ZNF649: variants seen among roughly 807,000 people sequenced by gnomAD.
ZNF649 encodes zinc finger protein 649.
In ZNF649, 7 loss-of-function variants were observed where a neutral mutation model predicts 14.1. That is an observed-to-expected ratio of 0.49 (90% CI 0.28 to 0.93). The LOEUF is 0.93. ZNF649 is among the 40% of genes least tolerant of loss of function. The pLI, the probability that ZNF649 is intolerant of heterozygous loss-of-function variation, is 0.10. For missense variants in ZNF649, 544 were observed against 608.1 expected, an observed-to-expected ratio of 0.89 and a Z score of 1.11; for synonymous variants, 227 against 212.3, an observed-to-expected ratio of 1.07 and a Z score of -0.60.
At position 51,891,427 on chromosome 19, in the gene ZNF649, T is replaced by C. The variant is rs773969502; in HGVS notation, c.709A>G (p.Ser237Gly). 5.0e-6 allele frequency: 8 copies of C among 1,613,934 alleles called. No homozygotes were observed. In the South Asian group the frequency reaches 8.8e-5, roughly 18 times the overall value. Residue 237 changes from serine to glycine, a missense_variant, in exon 5 of 5, where the codon AGC (serine) becomes GGC (glycine). Coordinates refer to ENST00000354957, the MANE Select transcript of ZNF649 (RefSeq NM_023074.4). This position sits in a 1 kb window ranked among gnomAD's most constrained non-coding sequence, Gnocchi z 4.2. ...TTGTAGAAGGCTTTCCCACACAAGC[T>C]ACACCCGTGGGGTTTCTCTCCTCTG... ...AHRGEKPHGCSLCGKAFYKRY... is the reference protein window; with the variant it reads ...AHRGEKPHGCGLCGKAFYKRY...
At chr19:51,894,042 A>G (rs1568455526) in intron 4 of ZNF649, among the ~76,000 whole-genome samples, 2 of 152,152 alleles carry the variant, frequency 1.3e-5, no homozygotes, top group Non-Finnish European at 2.9e-5. Flanking sequence ...TACCATTACC[A>G]TGACGCATCC....
At chr19:51,897,024 T>G in intron 2 of ZNF649, 46 bp from the exon 3 acceptor site, 1 of 1,611,770 alleles carries the variant, frequency 6.2e-7, no homozygotes, top group Non-Finnish European at 8.5e-7. Context: ...TTTATTGACA[T>G]GGAAGAAATA....
At chr19:51,901,559 C>T (rs895158641) in intron 1 of ZNF649, among the ~76,000 whole-genome samples, 3 of 151,974 alleles carry the variant, frequency 2.0e-5, no homozygotes, top group Non-Finnish European at 4.4e-5. Context: ...GTGGGAGGAT[C>T]GCTTGAGGCC....
rs1456284321 is a variant in ZNF649 at position 51,889,428 on chromosome 19, A to G, written c.*1190T>C. 1 of 152,178 alleles carries G rather than the reference A, an allele frequency of 6.6e-6. No individual in the cohort carries two copies. The highest frequency in any genetic ancestry group is 2.4e-5 in the African/African-American group (1 of 41,450). The allele number at this position is 152,178 out of a possible 1,614,324, so 9.4% of individuals were successfully genotyped here. A position where few individuals can be genotyped will look rare whatever the true frequency, so the allele number is the denominator to read the frequency against. ...CTCTAGAACTGGACTCTAAAACACA[A>G]TCAAGGTGTTGGCAGGTCTAGTGTC... is the stretch of plus-strand genomic sequence containing the variant. On this transcript the variant is annotated 3_prime_UTR_variant, in exon 5 of 5. Transcript: ENST00000354957.
At chr19:51,895,624 G>A (rs964582623) in intron 4 of ZNF649, among the ~76,000 whole-genome samples, 4 of 152,066 alleles carry the variant, frequency 2.6e-5, no homozygotes, top group African/African-American at 7.2e-5. Flanking sequence ...TTACAGGTGT[G>A]AGCCACCATG....
At chr19:51,894,139 TTC>T (rs1491554918) in intron 4 of ZNF649, among the ~76,000 whole-genome samples, 1 of 152,018 alleles carries the variant, frequency 6.6e-6, no homozygotes, top group African/African-American at 2.4e-5. Context: ...TCTTTTTTTT[TTC>T]TTTTTTTTTG....
chr19:51,890,761 C>A lies in ZNF649; in HGVS notation c.1375G>T (p.Asp459Tyr). Reference sequence around the variant, plus strand: ...GAAGGATTTTCCACCTTCACTGAATCCCCCCGTTTCTCCCTTGAGTGTATT... The same window carrying A: ...GAAGGATTTTCCACCTTCACTGAATACCCCCGTTTCTCCCTTGAGTGTATT... Reference protein sequence around the residue: ...KRIHSREKRGDSVKVENPSTA... With the variant: ...KRIHSREKRGYSVKVENPSTA... Residue 459 changes from aspartate (D) to tyrosine (Y), a missense_variant, in exon 5 of 5, where the codon GAT (aspartate) becomes TAT (tyrosine). Asp to Tyr is a radical substitution (Grantham distance 160). Coordinates refer to ENST00000354957, the MANE Select transcript of ZNF649 (RefSeq NM_023074.4). The A allele has an allele frequency of 6.2e-7, 1 of 1,614,176 alleles. No individual in the cohort carries two copies. The highest frequency in any genetic ancestry group is 8.5e-7 in the Non-Finnish European group (1 of 1,180,034).
chr19:51,890,769 T>G lies in ZNF649; in HGVS notation c.1367A>C (p.Lys456Thr). The G allele has an allele frequency of 6.2e-7, 1 of 1,614,230 alleles. No homozygotes were observed. The highest frequency in any genetic ancestry group is 8.5e-7 in the Non-Finnish European group (1 of 1,180,040). The change falls in exon 5 of 5, where the codon AAA becomes ACA. Residue 456 changes from lysine to threonine, a missense_variant. Lys to Thr is a moderately conservative substitution (Grantham distance 78). Transcript: ENST00000354957. The stretch of plus-strand genomic sequence containing the variant: ...TTCCACCTTCACTGAATCCCCCCGT[T>G]TCTCCCTTGAGTGTATTCTCTTATG... Reference protein sequence around the residue: ...VKHKRIHSREKRGDSVKVENP... With the variant: ...VKHKRIHSRETRGDSVKVENP...
chr19:51,892,916 TTTTTG>T (rs563687810), intron 4 of ZNF649, among the ~76,000 whole-genome samples: 13 of 152,148 alleles, frequency 8.5e-5, no homozygotes, highest in South Asian at 2.1e-4. Flanking sequence ...CCACGAGTGT[TTTTTG>T]TTTTGTTTTG....
chr19:51,892,373 T>C (rs1174812716), intron 4 of ZNF649, among the ~76,000 whole-genome samples: 4 of 118,250 alleles, frequency 3.4e-5, no homozygotes, highest in Non-Finnish European at 6.8e-5. Flanking sequence ...AGACTCCATC[T>C]CAAAAAAAAA....
At chr19:51,895,209 ATAT>A (rs375569509) in intron 4 of ZNF649, among the ~76,000 whole-genome samples, 36 of 152,302 alleles carry the variant, frequency 2.4e-4, no homozygotes, top group African/African-American at 6.5e-4. Context: ...GACATGGAAG[ATAT>A]TATTATATTG....
intron 1 of ZNF649, among the ~76,000 whole-genome samples, chr19:51,902,335 A>C (rs1021381109): frequency 9.9e-5 from 15 of 152,224 alleles, no homozygotes; most frequent in African/African-American, 3.6e-4. Context: ...TTAAGGGCTC[A>C]GTTCAAGCCT....
rs1028576617 is a variant in ZNF649 at position 51,891,155 on chromosome 19, G to A, written c.981C>T (p.Phe327=). The part of the protein sequence containing the change: ...PHTCSECGKG[F]IQKGNLNIHQ... ...GTATGTTGAGATTGCCCTTCTGAAT[G>A]AAGCCTTTTCCACATTCACTGCATG... The change falls in exon 5 of 5, where the codon TTC becomes TTT. Residue 327 remains phenylalanine (F), a synonymous_variant. Coordinates refer to ENST00000354957, the MANE Select transcript of ZNF649 (RefSeq NM_023074.4). The surrounding 1 kb of genome is among the most constrained non-coding windows in gnomAD (Gnocchi z 4.2). 6.2e-7 allele frequency: 1 copy of A among 1,614,076 alleles called. No homozygotes were observed. The highest frequency in any genetic ancestry group is 8.5e-7 in the Non-Finnish European group (1 of 1,180,034).
At position 51,891,523 on chromosome 19, in the gene ZNF649, G is replaced by A; in HGVS notation, c.613C>T (p.Pro205Ser). 1 of 1,614,210 alleles carries A rather than the reference G, an allele frequency of 6.2e-7. No homozygotes were observed. Among genetic ancestry groups the A allele is most frequent in the Non-Finnish European group, 8.5e-7 (1 of 1,180,044 alleles). The change falls in exon 5 of 5, where the codon CCC becomes TCC. Residue 205 changes from proline (P) to serine (S), a missense_variant. By Grantham distance (74) the Pro-to-Ser change is moderately conservative (BLOSUM62 -1). Transcript: ENST00000354957. The surrounding 1 kb of genome is among the most constrained non-coding windows in gnomAD (Gnocchi z 4.2). ...TTCCCACACAAGCTACACACGTGGG[G>A]TTTCTTTCCTGTATGAATTCTCTTA... The part of the protein sequence containing the change: ...EHKRIHTGKK[P>S]HVCSLCGKAF...
rs779780150 is a variant in ZNF649, at chr19:51,891,632, A to T, written c.504T>A (p.His168Gln). 6.2e-7 allele frequency: 1 copy of T among 1,614,214 alleles called. No individual in the cohort carries two copies. The highest frequency in any genetic ancestry group is 8.5e-7 in the Non-Finnish European group (1 of 1,180,040). The change falls in exon 5 of 5, where the codon CAT becomes CAA. Residue 168 changes from histidine to glutamine, a missense_variant. Coordinates refer to ENST00000354957, the MANE Select transcript of ZNF649 (RefSeq NM_023074.4). This position sits in a 1 kb window ranked among gnomAD's most constrained non-coding sequence, Gnocchi z 4.2. ...CTTTCTCTATGTTGTGTGTTTGCTG[A>T]TGTTTAAGGAATTGTGACTTGGTGC... Reference protein sequence around the residue: ...PISTKSQFLKHQQTHNIEKAH... With the variant: ...PISTKSQFLKQQQTHNIEKAH...
Position 51,891,880 on chromosome 19 carries a change from C to T in ZNF649, c.256G>A (p.Asp86Asn). ...PAHPEIEKADDHLQQPLQNQK... is the reference protein window; with the variant it reads ...PAHPEIEKADNHLQQPLQNQK... The stretch of plus-strand genomic sequence containing the variant: ...TTTTGCAAGGGCTGCTGCAGATGAT[C>T]ATCAGCTTTCTCAATTTCTAAGAGA... Residue 86 changes from aspartate (D) to asparagine (N), a missense_variant, in exon 5 of 5, where the codon GAT becomes AAT. Coordinates refer to ENST00000354957, the MANE Select transcript of ZNF649 (RefSeq NM_023074.4). The surrounding 1 kb of genome is among the most constrained non-coding windows in gnomAD (Gnocchi z 4.2). The T allele has an allele frequency of 6.4e-7, 1 of 1,562,488 alleles. No homozygotes were observed. The highest frequency in any genetic ancestry group is 2.2e-5 in the East Asian group (1 of 44,596).
chr19:51,897,065 A>G, intron 2 of ZNF649, 87 bp from the exon 3 acceptor site: 10 of 1,569,868 alleles, frequency 6.4e-6, no homozygotes, highest in Non-Finnish European at 8.7e-6. Flanking sequence ...TCACCACATA[A>G]GCTGCACCTG....
At chr19:51,899,769 T>C in intron 2 of ZNF649, 1 of 281,952 alleles carries the variant, frequency 3.5e-6, no homozygotes, top group Non-Finnish European at 6.5e-6. Flanking sequence ...CGCTTTCTCC[T>C]CAGAATCAGT....
intron 2 of ZNF649, among the ~76,000 whole-genome samples, chr19:51,898,488 AG>A (rs1428674284): frequency 6.6e-6 from 1 of 152,136 alleles, no homozygotes; most frequent in Non-Finnish European, 1.5e-5. Flanking sequence ...CAAGGTCCAA[AG>A]GGTGCCAAGC....
Sources: gnomAD v4.1 joint callset for allele counts (sites outside exome capture counted in the v4.1 genomes callset) on GRCh38, gnomAD v4.1.1 for gene constraint, Gnocchi (gnomAD v3.1) non-coding constraint, MANE v1.5 for transcripts, NCBI Gene and HGNC (gene_info 2026-07-23, HGNC 2026-07-21) for gene names.